The following MAGEC1 variants were observed in gnomAD, a reference collection of about 807,000 sequenced individuals.
MAGEC1 encodes the protein MAGE family member C1, also known as melanoma-associated antigen C1.
Under a neutral mutation model 1.5 loss-of-function variants are expected in MAGEC1, and 3 were observed. The observed-to-expected ratio is 1.97, with a 90% CI of 0.90 to 5.10. The LOEUF (loss-of-function observed/expected upper bound fraction) is 5.10, where lower values mean the gene tolerates loss of function less well. Ranked by LOEUF, MAGEC1 falls within the 30% of genes most tolerant of loss-of-function variation. The probability of loss-of-function intolerance (pLI) is 0.02; values close to 1 mark genes in which losing one functional copy is unlikely to be tolerated. For missense variants in MAGEC1, 985 were observed against 803.1 expected, an observed-to-expected ratio of 1.23 and a Z score of -2.74; for synonymous variants, 357 against 310.4, an observed-to-expected ratio of 1.15 and a Z score of -1.58.
rs1177900758 is a variant in MAGEC1 at position 141,908,702 on chromosome X, C to T, written c.3298C>T (p.Pro1100Ser). The T allele has an allele frequency of 8.3e-7, 1 of 1,209,897 alleles. No homozygotes were observed. Among genetic ancestry groups the T allele is most frequent in the Non-Finnish European group, 1.1e-6 (1 of 894,948 alleles). ...MLKNTVPITF[P>S]SSYKDALKDV... ...AAAGAATACCGTCCCTATTACCTTT[C>T]CATCCTCTTACAAGGATGCTTTGAA... Residue 1100 changes from proline (P) to serine (S), a missense_variant, in exon 4 of 4, where the codon CCA (proline) becomes TCA (serine). Physicochemically the swap from Pro to Ser is moderately conservative, Grantham distance 74. Transcript: ENST00000285879.
chrX:141,907,163 G>T lies in MAGEC1; in HGVS notation c.1759G>T (p.Glu587Ter), dbSNP rs752485278. The T allele has an allele frequency of 1.7e-6, 2 of 1,210,193 alleles. No homozygotes were observed. Among genetic ancestry groups the T allele is most frequent in the South Asian group, 1.8e-5 (1 of 56,810 alleles). Residue 587 changes from glutamate to a stop codon, truncating the protein, a stop_gained, in exon 4 of 4, where the codon GAG becomes TAG. Coordinates refer to ENST00000285879, the MANE Select transcript of MAGEC1 (RefSeq NM_005462.5). LOFTEE classifies it low-confidence loss of function (END_TRUNC). Reference sequence around the variant, plus strand: ...CTACTTTCCTCAGAGCCCTCAGGGGGAGGACTCCCTGTCTCCTCACTACTT... The same window carrying T: ...CTACTTTCCTCAGAGCCCTCAGGGGTAGGACTCCCTGTCTCCTCACTACTT... The part of the protein sequence containing the change: ...PHYFPQSPQG[E>*]DSLSPHYFPQ...
At position 141,907,450 on chromosome X, in the gene MAGEC1, T is replaced by C; in HGVS notation, c.2046T>C (p.Ala682=). Residue 682 remains alanine (A), a synonymous_variant, in exon 4 of 4, where the codon GCT becomes GCC. Coordinates refer to ENST00000285879, the MANE Select transcript of MAGEC1 (RefSeq NM_005462.5). ...CTCCTCTCCAGAGTCCTGAGAGTGC[T>C]CCTGAGGGGGAGGATTCCCTGTCTC... ...SQSPLQSPES[A]PEGEDSLSPL... 1.7e-6 allele frequency: 2 copies of C among 1,200,936 alleles called. No homozygotes were observed. Among genetic ancestry groups the C allele is most frequent in the Non-Finnish European group, 2.2e-6 (2 of 890,871 alleles).
Position 141,908,211 on chromosome X carries a change from C to A in MAGEC1, c.2807C>A (p.Thr936Lys). 8.3e-7 allele frequency: 1 copy of A among 1,211,497 alleles called. No individual in the cohort carries two copies. The highest frequency in any genetic ancestry group is 1.8e-5 in the South Asian group (1 of 56,955). ...CCTATCACAAAGGCAGAGATGCTGA[C>A]GAATGTCATCAGCAGGTACACGGGC... ...KQPITKAEML[T>K]NVISRYTGYF... Residue 936 changes from threonine to lysine, a missense_variant, in exon 4 of 4, where the codon ACG (threonine) becomes AAG (lysine). Thr to Lys is a moderately conservative substitution (Grantham distance 78). Coordinates refer to ENST00000285879, the MANE Select transcript of MAGEC1 (RefSeq NM_005462.5).
chrX:141,906,550 C>T lies in MAGEC1; in HGVS notation c.1146C>T (p.Ser382=). The part of the protein sequence containing the change: ...PLQIPGSPSF[S]STLLSLFQSS... Reference sequence around the variant, plus strand: ...AGATTCCTGGGAGCCCCTCCTTCTCCTCCACTTTACTGAGTCTTTTCCAGA... The same window carrying T: ...AGATTCCTGGGAGCCCCTCCTTCTCTTCCACTTTACTGAGTCTTTTCCAGA... Residue 382 remains serine (S), a synonymous_variant, in exon 4 of 4, where the codon TCC becomes TCT. Transcript: ENST00000285879. 8.3e-7 allele frequency: 1 copy of T among 1,200,487 alleles called. No homozygotes were observed. Among genetic ancestry groups the T allele is most frequent in the Non-Finnish European group, 1.1e-6 (1 of 889,579 alleles).
chrX:141,905,130 G>A (rs1357275581), intron 3 of MAGEC1, 54 bp downstream of exon 3: 1 of 1,195,679 alleles, frequency 8.4e-7, no homozygotes, highest in Non-Finnish European at 1.1e-6. Context: ...TCAGTCCTGT[G>A]GGATCCCATC....
Position 141,907,710 on chromosome X carries a change from G to C in MAGEC1, c.2306G>C (p.Gly769Ala). 1 of 1,208,636 alleles carries C rather than the reference G, an allele frequency of 8.3e-7. No homozygotes were observed. Among genetic ancestry groups the C allele is most frequent in the Non-Finnish European group, 1.1e-6 (1 of 894,359 alleles). The change falls in exon 4 of 4, where the codon GGG becomes GCG. Residue 769 changes from glycine (G) to alanine (A), a missense_variant. Physicochemically the swap from Gly to Ala is moderately conservative, Grantham distance 60. Coordinates refer to ENST00000285879, the MANE Select transcript of MAGEC1 (RefSeq NM_005462.5). ...FPESPQSPPE[G>A]PAQSPLQRPV... is the part of the protein sequence containing the mutation. ...GAGAGTCCTCAGAGTCCTCCTGAGG[G>C]GCCTGCTCAGTCTCCTCTCCAGAGA...
In MAGEC1 at chrX:141,905,080, A is replaced by T; in HGVS notation, c.4+4A>T. The T allele has an allele frequency of 8.3e-7, 1 of 1,211,800 alleles. No homozygotes were observed. The highest frequency in any genetic ancestry group is 1.7e-5 in the African/African-American group (1 of 57,803). On this transcript the variant is annotated splice_donor_region_variant and intron_variant, in intron 3 of 3. Coordinates refer to ENST00000285879, the MANE Select transcript of MAGEC1 (RefSeq NM_005462.5). ...GCCTTTGTCAGAGCCATCATGGGTG[A>T]GTTTCTCAGCTGAGGCCACTGGCAC...
At position 141,906,858 on chromosome X, in the gene MAGEC1, C is replaced by T. The variant is rs1926935034; in HGVS notation, c.1454C>T (p.Ser485Phe). The T allele has an allele frequency of 8.3e-7, 1 of 1,210,518 alleles. No individual in the cohort carries two copies. ...CCTCTCCAGATTCCTGTGAGCTCCTCCTCCTCCTCCTCCACTTTATTGAGT... is the reference window on the plus strand; with the variant it reads ...CCTCTCCAGATTCCTGTGAGCTCCTTCTCCTCCTCCTCCACTTTATTGAGT... The part of the protein sequence containing the change: ...QSPLQIPVSS[S>F]SSSSTLLSLF... Residue 485 changes from serine to phenylalanine, a missense_variant, in exon 4 of 4, where the codon TCC (serine) becomes TTC (phenylalanine). Coordinates refer to ENST00000285879, the MANE Select transcript of MAGEC1 (RefSeq NM_005462.5).
rs1245710605 is a variant in MAGEC1, at chrX:141,905,455, T to A, written c.51T>A (p.Ser17Arg). ...PTAGMPSLLQ[S>R]SSESPQSCPE... is the part of the protein sequence containing the mutation. The stretch of plus-strand genomic sequence containing the variant: ...CTGGGATGCCGAGTCTTCTCCAGAG[T>A]TCCTCTGAGAGTCCTCAGAGTTGTC... The change falls in exon 4 of 4, where the codon AGT (serine) becomes AGA (arginine). Residue 17 changes from serine (S) to arginine (R), a missense_variant. Ser to Arg is a moderately radical substitution (Grantham distance 110). Transcript: ENST00000285879. The A allele has an allele frequency of 8.3e-7, 1 of 1,210,429 alleles. No individual in the cohort carries two copies. Among genetic ancestry groups the A allele is most frequent in the African/African-American group, 1.7e-5 (1 of 57,356 alleles).
In MAGEC1 at chrX:141,905,047, G is replaced by A. The variant is rs749533649; in HGVS notation, c.-26G>A. The stretch of plus-strand genomic sequence containing the variant: ...GCACCACCTTAAGAGAAGAAGAGCT[G>A]TAAGCCGGCCTTTGTCAGAGCCATC... On this transcript the variant is annotated 5_prime_UTR_variant, in exon 3 of 4. Coordinates refer to ENST00000285879, the MANE Select transcript of MAGEC1 (RefSeq NM_005462.5). 8 of 1,210,546 alleles carry A rather than the reference G, an allele frequency of 6.6e-6. No individual in the cohort carries two copies. The African/African-American group carries it at 1.4e-4, about 21-fold the overall frequency.
Position 141,906,342 on chromosome X carries a change from C to A in MAGEC1, c.938C>A (p.Ser313Tyr), listed in dbSNP as rs780592490. 6.3e-5 allele frequency: 70 copies of A among 1,107,985 alleles called. No individual in the cohort carries two copies. The highest frequency in any genetic ancestry group is 7.7e-5 in the Non-Finnish European group (63 of 813,981). The allele number at this position is 1,107,985 out of a possible 1,213,427, so 91.3% of individuals were successfully genotyped here. A position where few individuals can be genotyped will look rare whatever the true frequency, so the allele number is the denominator to read the frequency against. Reference sequence around the variant, plus strand: ...ATTCCTGTGAGCTCCTCCTCCTCCTCCACTTTATTGAGTCTTTTCCAGAGT... The same window carrying A: ...ATTCCTGTGAGCTCCTCCTCCTCCTACACTTTATTGAGTCTTTTCCAGAGT... ...LQIPVSSSSS[S>Y]TLLSLFQSSP... Residue 313 changes from serine to tyrosine, a missense_variant, in exon 4 of 4, where the codon TCC becomes TAC. Ser to Tyr is a moderately radical substitution (Grantham distance 144). Transcript: ENST00000285879.
chrX:141,904,850 A>AC, intron 2 of MAGEC1, 36 bp downstream of exon 2: 1 of 467,546 alleles, frequency 2.1e-6, no homozygotes, highest in Non-Finnish European at 3.7e-6. Context: ...CAAGGGCCCT[A>AC]CCCCCAGAAA....
In MAGEC1 at chrX:141,907,411, G is replaced by C; in HGVS notation, c.2007G>C (p.Gly669=). The C allele has an allele frequency of 8.3e-7, 1 of 1,199,569 alleles. No individual in the cohort carries two copies. Among genetic ancestry groups the C allele is most frequent in the Admixed American group, 2.2e-5 (1 of 45,005 alleles). Residue 669 remains glycine (G), a synonymous_variant, in exon 4 of 4, where the codon GGG becomes GGC. Coordinates refer to ENST00000285879, the MANE Select transcript of MAGEC1 (RefSeq NM_005462.5). ...PLHSPQSPPE[G]MHSQSPLQSP... is the part of the protein sequence containing the mutation. Reference sequence around the variant, plus strand: ...ATAGTCCTCAGAGCCCTCCTGAGGGGATGCACTCCCAATCTCCTCTCCAGA... The same window carrying C: ...ATAGTCCTCAGAGCCCTCCTGAGGGCATGCACTCCCAATCTCCTCTCCAGA...
Position 141,907,578 on chromosome X carries a change from A to T in MAGEC1, c.2174A>T (p.His725Leu), listed in dbSNP as rs1926983006. Residue 725 changes from histidine (H) to leucine (L), a missense_variant, in exon 4 of 4, where the codon CAC (histidine) becomes CTC (leucine). His to Leu is a moderately conservative substitution (Grantham distance 99). Coordinates refer to ENST00000285879, the MANE Select transcript of MAGEC1 (RefSeq NM_005462.5). Reference sequence around the variant, plus strand: ...TGGGAGGACTCCCTCTCTCCTCTCCACTTTCCTCAGTTTCCTCCTCAGGGG... The same window carrying T: ...TGGGAGGACTCCCTCTCTCCTCTCCTCTTTCCTCAGTTTCCTCCTCAGGGG... ...PEWEDSLSPL[H>L]FPQFPPQGED... 1 of 1,201,813 alleles carries T rather than the reference A, an allele frequency of 8.3e-7. No homozygotes were observed. The highest frequency in any genetic ancestry group is 1.8e-5 in the African/African-American group (1 of 54,717).
At position 141,908,257 on chromosome X, in the gene MAGEC1, G is replaced by A. The variant is rs372603089; in HGVS notation, c.2853G>A (p.Arg951=). ...CGGGCTACTTTCCTGTGATCTTCAG[G>A]AAAGCCCGTGAGTTCATAGAGATAC... is the stretch of plus-strand genomic sequence containing the variant. ...RYTGYFPVIF[R]KAREFIEILF... is the part of the protein sequence containing the mutation. Residue 951 remains arginine (R), a synonymous_variant, in exon 4 of 4, where the codon AGG becomes AGA. Coordinates refer to ENST00000285879, the MANE Select transcript of MAGEC1 (RefSeq NM_005462.5). 2.7e-5 allele frequency: 33 copies of A among 1,209,494 alleles called. No individual in the cohort carries two copies. The highest frequency in any genetic ancestry group is 3.4e-5 in the Non-Finnish European group (30 of 895,077).
Position 141,908,916 on chromosome X carries a change from G to T in MAGEC1, c.*83G>T. 1 of 838,360 alleles carries T rather than the reference G, an allele frequency of 1.2e-6. No individual in the cohort carries two copies. The highest frequency in any genetic ancestry group is 3.0e-5 in the South Asian group (1 of 33,294). The allele number at this position is 838,360 out of a possible 1,213,427, so 69.1% of individuals were successfully genotyped here. On this transcript the variant is annotated 3_prime_UTR_variant, in exon 4 of 4. Coordinates refer to ENST00000285879, the MANE Select transcript of MAGEC1 (RefSeq NM_005462.5). ...TGGAGGGCCTGGTTGAGGCTGGAGA[G>T]AACACAGTGCTATTTGCATTTCTGT... is the stretch of plus-strand genomic sequence containing the variant.
chrX:141,906,333 C>T lies in MAGEC1; in HGVS notation c.929C>T (p.Ser310Phe). The T allele has an allele frequency of 9.1e-7, 1 of 1,104,088 alleles. No individual in the cohort carries two copies. Among genetic ancestry groups the T allele is most frequent in the Non-Finnish European group, 1.2e-6 (1 of 808,994 alleles). The allele number at this position is 1,104,088 out of a possible 1,213,427, so 91.0% of individuals were successfully genotyped here. ...QSPLQIPVSS[S>F]SSSTLLSLFQ... ...CCTCTCCAGATTCCTGTGAGCTCCT[C>T]CTCCTCCTCCACTTTATTGAGTCTT... The change falls in exon 4 of 4, where the codon TCC (serine) becomes TTC (phenylalanine). Residue 310 changes from serine (S) to phenylalanine (F), a missense_variant. By Grantham distance (155) the Ser-to-Phe change is radical (BLOSUM62 -2). Coordinates refer to ENST00000285879, the MANE Select transcript of MAGEC1 (RefSeq NM_005462.5).
Position 141,907,247 on chromosome X carries a change from C to A in MAGEC1, c.1843C>A (p.Pro615Thr). ...SMSPLYFPQSPLQGEEFQSSL... is the reference protein window; with the variant it reads ...SMSPLYFPQSTLQGEEFQSSL... ...GTCTCCTCTCTACTTTCCTCAGAGTCCTCTTCAGGGGGAGGAATTCCAGTC... is the reference window on the plus strand; with the variant it reads ...GTCTCCTCTCTACTTTCCTCAGAGTACTCTTCAGGGGGAGGAATTCCAGTC... The change falls in exon 4 of 4, where the codon CCT (proline) becomes ACT (threonine). Residue 615 changes from proline to threonine, a missense_variant. Physicochemically the swap from Pro to Thr is conservative, Grantham distance 38. Coordinates refer to ENST00000285879, the MANE Select transcript of MAGEC1 (RefSeq NM_005462.5). 8.3e-7 allele frequency: 1 copy of A among 1,210,374 alleles called. No homozygotes were observed. The highest frequency in any genetic ancestry group is 1.1e-6 in the Non-Finnish European group (1 of 895,040).
rs759679518 is a variant in MAGEC1 at position 141,908,591 on chromosome X, T to C, written c.3187T>C (p.Ser1063Pro). Residue 1063 changes from serine to proline, a missense_variant, in exon 4 of 4, where the codon TCT (serine) becomes CCT (proline). Ser to Pro is a moderately conservative substitution (Grantham distance 74). Coordinates refer to ENST00000285879, the MANE Select transcript of MAGEC1 (RefSeq NM_005462.5). ...AGAGTACCGGGAGGTGCCCAACTCT[T>C]CTCCTCCTCGTTACGAATTCCTGTG... ...YLEYREVPNSSPPRYEFLWGP... is the reference protein window; with the variant it reads ...YLEYREVPNSPPPRYEFLWGP... The C allele has an allele frequency of 1.7e-6, 2 of 1,207,543 alleles. No individual in the cohort carries two copies. The highest frequency in any genetic ancestry group is 3.6e-5 in the South Asian group (2 of 56,311).
Sources: allele counts gnomAD v4.1 joint callset, GRCh38; gene constraint gnomAD v4.1.1; transcripts MANE v1.5; gene names NCBI Gene and HGNC (gene_info 2026-07-23, HGNC 2026-07-21).